THSD4: variants seen among roughly 807,000 people sequenced by gnomAD.
THSD4 encodes the protein thrombospondin type-1 domain-containing protein 4.
A neutral mutation model predicts 119.0 loss-of-function variants in THSD4; 69 were observed. The observed-to-expected ratio is 0.58, with a 90% CI of 0.48 to 0.71. The LOEUF (loss-of-function observed/expected upper bound fraction) is 0.71. THSD4 is among the 30% of genes least tolerant of loss of function. The probability of loss-of-function intolerance (pLI) is 0.00; values close to 1 mark genes in which losing one functional copy is unlikely to be tolerated. For missense variants in THSD4, 1,393 were observed against 1,391.1 expected, an observed-to-expected ratio of 1.00 and a Z score of -0.02; for synonymous variants, 524 against 540.4, an observed-to-expected ratio of 0.97 and a Z score of 0.42.
At chr15:71,507,658 C>T (rs1567013428) in intron 7 of THSD4, among the ~76,000 whole-genome samples, 1 of 150,434 alleles carries the variant, frequency 6.6e-6, no homozygotes, top group East Asian at 2.0e-4. Flanking sequence ...ATCTGCCTCC[C>T]TCTACACCCC....
At chr15:71,332,890 A>C (rs1377278814) in intron 6 of THSD4, among the ~76,000 whole-genome samples, 1 of 17,454 alleles carries the variant, frequency 5.7e-5, no homozygotes, top group Non-Finnish European at 1.8e-4. Flanking sequence ...AGATTTTTTT[A>C]CATTTTTTTT....
At chr15:71,716,901 G>A (rs1009941009) in intron 8 of THSD4, among the ~76,000 whole-genome samples, 1 of 152,132 alleles carries the variant, frequency 6.6e-6, no homozygotes, top group African/African-American at 2.4e-5. Context: ...CACCAAAGAT[G>A]TTTCTCCATG....
chr15:71,499,262 G>A (rs2048073862), intron 7 of THSD4, among the ~76,000 whole-genome samples: 1 of 151,984 alleles, frequency 6.6e-6, no homozygotes, highest in African/African-American at 2.4e-5. Context: ...CTCCTTCTAA[G>A]TTCAATCCTT....
At chr15:71,296,492 G>A (rs1157957280) in intron 6 of THSD4, among the ~76,000 whole-genome samples, 2 of 152,110 alleles carry the variant, frequency 1.3e-5, no homozygotes, top group Non-Finnish European at 1.5e-5. Flanking sequence ...TGTGCCTCTC[G>A]GGCAAGACGC....
At chr15:71,655,384 A>T (rs1595833322) in intron 7 of THSD4, among the ~76,000 whole-genome samples, 1 of 152,178 alleles carries the variant, frequency 6.6e-6, no homozygotes, top group East Asian at 1.9e-4. Context: ...ATTTCACCAA[A>T]TGAAGAAGAA....
Position 71,777,267 on chromosome 15 carries a change from G to C in THSD4, c.2950G>C (p.Val984Leu). ...NCKDKYYNCN[V>L]VVQARLCVYN... is the part of the protein sequence containing the mutation. ...CAAGGACAAGTACTACAACTGCAACGTGGTGGTCCAGGCAAGACTCTGTGT... is the reference window on the plus strand; with the variant it reads ...CAAGGACAAGTACTACAACTGCAACCTGGTGGTCCAGGCAAGACTCTGTGT... The change falls in exon 18 of 18, where the codon GTG becomes CTG. Residue 984 changes from valine to leucine, a missense_variant. Coordinates refer to ENST00000261862, the MANE Select transcript of THSD4 (RefSeq NM_024817.3). 1 of 1,614,218 alleles carries C rather than the reference G, an allele frequency of 6.2e-7. No homozygotes were observed. Among genetic ancestry groups the C allele is most frequent in the Non-Finnish European group, 8.5e-7 (1 of 1,180,036 alleles).
chr15:71,169,466 G>A (rs1238494555), intron 3 of THSD4, among the ~76,000 whole-genome samples: 1 of 152,020 alleles, frequency 6.6e-6, no homozygotes, highest in East Asian at 1.9e-4. Flanking sequence ...CAAAACACAT[G>A]GATAACAATA....
At chr15:71,668,777 C>A (rs919289809) in intron 8 of THSD4, among the ~76,000 whole-genome samples, 4 of 152,196 alleles carry the variant, frequency 2.6e-5, no homozygotes, top group Non-Finnish European at 4.4e-5. Flanking sequence ...TTGCTTTTGT[C>A]TTGAATGCCA....
At chr15:71,248,434 ACTCTGAC>A (rs1193150641) in intron 5 of THSD4, among the ~76,000 whole-genome samples, 1 of 152,124 alleles carries the variant, frequency 6.6e-6, no homozygotes, top group East Asian at 1.9e-4. Context: ...ACTGATTGAT[ACTCTGAC>A]CTCTTCTGGA....
At chr15:71,469,815 A>G (rs1443422510) in intron 7 of THSD4, among the ~76,000 whole-genome samples, 1 of 152,220 alleles carries the variant, frequency 6.6e-6, no homozygotes, top group Non-Finnish European at 1.5e-5. Context: ...TTCTATCAAT[A>G]TTCGTTTAAC....
At chr15:71,187,068 G>A (rs150542600) in intron 3 of THSD4, 11 of 152,446 alleles carry the variant, frequency 7.2e-5, no homozygotes, top group Admixed American at 3.9e-4. Context: ...TTTCAGCAGA[G>A]GAAGGCGGGT....
intron 6 of THSD4, among the ~76,000 whole-genome samples, chr15:71,404,807 C>G (rs962279727): frequency 1.3e-5 from 2 of 152,294 alleles, no homozygotes; most frequent in Non-Finnish European, 1.5e-5. Context: ...GACTTCCCAG[C>G]CTCTGGAACT....
At chr15:71,565,384 G>A (rs1029519639) in intron 7 of THSD4, among the ~76,000 whole-genome samples, 2 of 152,186 alleles carry the variant, frequency 1.3e-5, no homozygotes, top group African/African-American at 4.8e-5. Context: ...ATGCAGCCCA[G>A]AGCAGAACCA....
chr15:71,608,243 TATATATACAC>T lies in THSD4; in HGVS notation c.1153-52285_1153-52276del, dbSNP rs1473271007. Among the ~76,000 whole-genome samples the T allele has an allele frequency of 5.8e-3, 479 of 82,774 alleles. 1 individual carries two copies. Among genetic ancestry groups the T allele is most frequent in the African/African-American group, 0.016 (438 of 27,616 alleles). The allele number at this position is 82,774 out of a possible 152,430, so 54.3% of individuals were successfully genotyped here. A position where few individuals can be genotyped will look rare whatever the true frequency, so the allele number is the denominator to read the frequency against. On this transcript the variant is annotated intron_variant, in intron 7 of 17. Coordinates refer to ENST00000261862, the MANE Select transcript of THSD4 (RefSeq NM_024817.3). The stretch of plus-strand genomic sequence containing the variant: ...GTCTCAAAAAAAAAAAAAAAATATA[TATATATACAC>T]ACACACACACACACACACACACACA...
chr15:71,724,306 G>C (rs1353879531), intron 8 of THSD4, among the ~76,000 whole-genome samples: 1 of 76,246 alleles, frequency 1.3e-5, no homozygotes, highest in Non-Finnish European at 3.4e-5. Flanking sequence ...TTCCCCCCAA[G>C]ATGGAATTTT....
intron 8 of THSD4, among the ~76,000 whole-genome samples, chr15:71,682,916 T>TCC: frequency 9.6e-6 from 1 of 104,230 alleles, no homozygotes; most frequent in South Asian, 3.3e-4. Flanking sequence ...TTCTTCTTCT[T>TCC]CTTCTTTTTT....
At chr15:71,593,067 G>T (rs1411601898) in intron 7 of THSD4, among the ~76,000 whole-genome samples, 1 of 152,068 alleles carries the variant, frequency 6.6e-6, no homozygotes, top group East Asian at 1.9e-4. Flanking sequence ...GGAGAAGTGA[G>T]CAGAGGAAGT....
At chr15:71,317,919 G>C (rs1567193545) in intron 6 of THSD4, among the ~76,000 whole-genome samples, 1 of 152,206 alleles carries the variant, frequency 6.6e-6, no homozygotes, top group Non-Finnish European at 1.5e-5. Flanking sequence ...ATTAGCAAAT[G>C]CCTGGTATTT....
At chr15:71,675,584 C>T (rs2051628936) in intron 8 of THSD4, among the ~76,000 whole-genome samples, 1 of 152,190 alleles carries the variant, frequency 6.6e-6, no homozygotes, top group Admixed American at 6.5e-5. Context: ...CTTAGCCCCT[C>T]TTGATCATGA....
Sources: allele counts gnomAD v4.1 joint callset (sites outside exome capture counted in the v4.1 genomes callset), GRCh38; gene constraint gnomAD v4.1.1; transcripts MANE v1.5; gene names NCBI Gene and HGNC (gene_info 2026-07-23, HGNC 2026-07-21).